CRB1: variants seen among roughly 807,000 people sequenced by gnomAD.
CRB1 encodes protein crumbs homolog 1.
A neutral mutation model predicts 120.0 loss-of-function variants in CRB1; 83 were observed. That is an observed-to-expected ratio of 0.69 (90% confidence interval 0.58 to 0.83). CRB1 has a LOEUF of 0.83. Ranked by LOEUF, CRB1 falls within the 40% of genes least tolerant of loss-of-function variation. The pLI is 0.00. For missense variants in CRB1, 1,699 were observed against 1,687.6 expected (o/e 1.01, Z -0.12); for synonymous variants, 625 against 612.5 (o/e 1.02, Z -0.30).
intron 5 of CRB1, among the ~76,000 whole-genome samples, chr1:197,361,833 T>C (rs1336170759): frequency 6.6e-6 from 1 of 152,156 alleles, no homozygotes; most frequent in East Asian, 1.9e-4. Context: ...TATTGATTTC[T>C]GTTCTTTTTT....
At chr1:197,466,346 A>G (rs1213898676) in intron 11 of CRB1, among the ~76,000 whole-genome samples, 1 of 152,204 alleles carries the variant, frequency 6.6e-6, no homozygotes, top group African/African-American at 2.4e-5. Flanking sequence ...ATTAAAGTAC[A>G]TGTGCTGCAA....
intron 1 of CRB1, among the ~76,000 whole-genome samples, chr1:197,301,316 C>T (rs541124551): frequency 2.0e-5 from 3 of 152,170 alleles, no homozygotes; most frequent in East Asian, 1.9e-4. Flanking sequence ...CAGGCATGTG[C>T]CACCATACCC....
rs1665273242 is a variant in CRB1, at chr1:197,438,550, G to A, written c.3753G>A (p.Gln1251=). Residue 1251 remains glutamine (Q), a synonymous_variant, in exon 10 of 12, where the codon CAG becomes CAA. Coordinates refer to ENST00000367400, the MANE Select transcript of CRB1 (RefSeq NM_201253.3). ...GCTCTTGCTTTTATCTCTCTAGACA[G>A]AGCAGATTACCCTCAACAGTCTGTG... ...FGNFTGKFCR[Q]SRLPSTVCGN... is the part of the protein sequence containing the mutation. 6.2e-7 allele frequency: 1 copy of A among 1,612,144 alleles called. No homozygotes were observed.
At chr1:197,287,404 C>T (rs967791524) in intron 1 of CRB1, among the ~76,000 whole-genome samples, 3 of 151,820 alleles carry the variant, frequency 2.0e-5, no homozygotes, top group African/African-American at 7.2e-5. Flanking sequence ...GACAATTTTA[C>T]ATTAACCCAT....
chr1:197,450,461 G>T (rs1665903791), intron 11 of CRB1, among the ~76,000 whole-genome samples: 1 of 152,026 alleles, frequency 6.6e-6, no homozygotes, highest in South Asian at 2.1e-4. Context: ...CTGAAGTTTG[G>T]CATATGAATG....
In CRB1 at chr1:197,477,971, T is replaced by G. The variant is rs140946837; in HGVS notation, c.*92T>G. The G allele has an allele frequency of 1.7e-4, 215 of 1,261,342 alleles. 1 individual carries two copies. In the African/African-American group the frequency reaches 2.5e-3, roughly 15 times the overall value. 78.1% of individuals were successfully genotyped at this position (1,261,342 alleles called of 1,614,324 possible). A position where few individuals can be genotyped will look rare whatever the true frequency, so the allele number is the denominator to read the frequency against. On this transcript the variant is annotated 3_prime_UTR_variant, in exon 12 of 12. Coordinates refer to ENST00000367400, the MANE Select transcript of CRB1 (RefSeq NM_201253.3). ...TCTGACATACCTGACAATGTTAATC[T>G]GCAACTGGGATTACACTGGAACTAC...
chr1:197,399,835 G>T (rs2821100), intron 5 of CRB1, among the ~76,000 whole-genome samples: 10,512 of 152,160 alleles, frequency 0.069, 1,268 homozygotes, highest in African/African-American at 0.24. Context: ...CAGTTTCTTG[G>T]TGGCAGTGAG....
chr1:197,214,647 C>G, the CRB1 span, among the ~76,000 whole-genome samples: 1 of 151,558 alleles, frequency 6.6e-6, no homozygotes, highest in Non-Finnish European at 1.5e-5. Flanking sequence ...AAAGTCTGAT[C>G]TGAACTAAAA....
intron 5 of CRB1, among the ~76,000 whole-genome samples, chr1:197,365,626 C>CTTCTTTTTT (rs1247162027): frequency 8.2e-6 from 1 of 121,890 alleles, no homozygotes; most frequent in Non-Finnish European, 1.7e-5. Context: ...TCTTCTTCTT[C>CTTCTTTTTT]TTTTTTTTTT....
chr1:197,256,932 C>CGCGT, the CRB1 span, among the ~76,000 whole-genome samples: 1 of 141,400 alleles, frequency 7.1e-6, no homozygotes, highest in African/African-American at 2.6e-5. Flanking sequence ...ATAGGATTTG[C>CGCGT]GTGTGTGTGT....
intron 5 of CRB1, among the ~76,000 whole-genome samples, chr1:197,365,744 C>T (rs376055353): frequency 1.3e-5 from 2 of 151,638 alleles, no homozygotes; most frequent in Admixed American, 6.6e-5. Context: ...GAGCCAACCT[C>T]GGCCACCTTC....
At chr1:197,392,656 G>A (rs942205309) in intron 5 of CRB1, among the ~76,000 whole-genome samples, 3 of 152,034 alleles carry the variant, frequency 2.0e-5, no homozygotes, top group Non-Finnish European at 4.4e-5. Context: ...TTTATAAGAT[G>A]CAAAACATAA....
intron 4 of CRB1, among the ~76,000 whole-genome samples, chr1:197,351,786 C>CA (rs988340273): frequency 6.6e-6 from 1 of 152,098 alleles, no homozygotes; most frequent in African/African-American, 2.4e-5. Flanking sequence ...GAGAAAAGGG[C>CA]ACAGGTTTAG....
intron 1 of CRB1, 46 bp downstream of exon 1, chr1:197,268,528 T>G: frequency 3.0e-6 from 4 of 1,316,368 alleles, no homozygotes; most frequent in South Asian, 1.2e-5. Flanking sequence ...TATTTCTGGC[T>G]TATTATATTT....
At chr1:197,380,912 T>C (rs1661922856) in intron 5 of CRB1, among the ~76,000 whole-genome samples, 1 of 152,316 alleles carries the variant, frequency 6.6e-6, no homozygotes, top group South Asian at 2.1e-4. Flanking sequence ...TCTCTCGTTG[T>C]TGAACTGTCC....
chr1:197,328,408 T>A lies in CRB1; in HGVS notation c.71-14T>A. 1 of 1,594,710 alleles carries A rather than the reference T, an allele frequency of 6.3e-7. No individual in the cohort carries two copies. The highest frequency in any genetic ancestry group is 8.6e-7 in the Non-Finnish European group (1 of 1,162,930). On this transcript the variant is annotated splice_polypyrimidine_tract_variant and intron_variant, in intron 1 of 11. Transcript: ENST00000367400. ...TTTATAAATTTAATCTTGTTACTTT[T>A]TATTTCCTTGTAGATTCCTTTTGCA...
upstream of CRB1, among the ~76,000 whole-genome samples, chr1:197,264,856 C>A (rs377364314): frequency 3.3e-5 from 5 of 151,656 alleles, no homozygotes; most frequent in Admixed American, 6.6e-5. Flanking sequence ...AACTCCTGAC[C>A]TCATGTGATC....
At chr1:197,219,491 C>T in the CRB1 span, among the ~76,000 whole-genome samples, 62 of 152,318 alleles carry the variant, frequency 4.1e-4, 1 homozygote, top group East Asian at 9.6e-3. Context: ...GTCCATAAAG[C>T]TTACCTATTA....
chr1:197,406,901 G>A (rs1663439579), intron 5 of CRB1, among the ~76,000 whole-genome samples: 1 of 152,116 alleles, frequency 6.6e-6, no homozygotes, highest in Admixed American at 6.5e-5. Flanking sequence ...TGGTGCAAAG[G>A]TGCTTACTCC....
Sources: gnomAD v4.1 joint callset for allele counts (sites outside exome capture counted in the v4.1 genomes callset) on GRCh38, gnomAD v4.1.1 for gene constraint, MANE v1.5 for transcripts, NCBI Gene and HGNC (gene_info 2026-07-23, HGNC 2026-07-21) for gene names.